The following NDUFA10 variants were observed in gnomAD, a reference collection of about 807,000 sequenced individuals.
NDUFA10 encodes the protein NADH dehydrogenase [ubiquinone] 1 alpha subcomplex subunit 10, mitochondrial.
Under a neutral mutation model 47.8 loss-of-function variants are expected in NDUFA10, and 40 were observed. That is an observed-to-expected ratio of 0.84 (90% confidence interval 0.65 to 1.09). The LOEUF (loss-of-function observed/expected upper bound fraction) is 1.09. Ranked by LOEUF, NDUFA10 falls within the 50% of genes least tolerant of loss-of-function variation. The pLI, the probability that NDUFA10 is intolerant of heterozygous loss-of-function variation, is 0.00. For missense variants in NDUFA10, 413 were observed against 451.1 expected, an observed-to-expected ratio of 0.92 and a Z score of 0.76; for synonymous variants, 183 against 172.2, an observed-to-expected ratio of 1.06 and a Z score of -0.49.
At chr2:239,923,613 G>A (rs769177483) in intron 4 of NDUFA10, among the ~76,000 whole-genome samples, 42 of 151,858 alleles carry the variant, frequency 2.8e-4, no homozygotes, top group African/African-American at 9.2e-4. Context: ...TGTGGGGTGC[G>A]TATTAAATGC....
chr2:239,923,300 C>G (rs902383092), intron 4 of NDUFA10, among the ~76,000 whole-genome samples: 3 of 152,138 alleles, frequency 2.0e-5, no homozygotes, highest in Non-Finnish European at 4.4e-5. Flanking sequence ...CACTATCAAA[C>G]AAAAGTATCT....
rs1281150257 is a variant in NDUFA10 at position 239,959,679 on chromosome 2, G to A, written c.*1439C>T. ...ACAAGGACAGACGGAAGGAAGGAAG[G>A]AAGAGAAGGAGGGAAGGAAAGAGGC... On this transcript the variant is annotated 3_prime_UTR_variant, in exon 10 of 10. Transcript: ENST00000252711. 1 of 917,298 alleles carries A rather than the reference G, an allele frequency of 1.1e-6. No individual in the cohort carries two copies. Among genetic ancestry groups the A allele is most frequent in the East Asian group, 1.2e-4 (1 of 8,510 alleles). The allele number at this position is 917,298 out of a possible 1,614,324, so 56.8% of individuals were successfully genotyped here.
At chr2:239,955,880 A>T (rs1694642525), downstream of NDUFA10, among the ~76,000 whole-genome samples, 2 of 152,078 alleles carry the variant, frequency 1.3e-5, no homozygotes, top group Non-Finnish European at 2.9e-5. Context: ...AACCTGAGAG[A>T]CCAAAGTGGG....
chr2:240,010,509 C>G (rs1002863364), intron 6 of NDUFA10, among the ~76,000 whole-genome samples: 1 of 152,136 alleles, frequency 6.6e-6, no homozygotes, highest in Non-Finnish European at 1.5e-5. Context: ...CTAGGGTCAA[C>G]TATCTCTGTT....
At chr2:239,921,882 C>T (rs1215399221) in intron 4 of NDUFA10, among the ~76,000 whole-genome samples, 1 of 151,800 alleles carries the variant, frequency 6.6e-6, no homozygotes, top group Non-Finnish European at 1.5e-5. Flanking sequence ...TCTTCCCTCC[C>T]TCCTTCCCTC....
chr2:240,012,971 T>C (rs1444847768), intron 5 of NDUFA10: 1 of 152,206 alleles, frequency 6.6e-6, no homozygotes, highest in Non-Finnish European at 1.5e-5. Context: ...AAAGAGGTGA[T>C]ATGATTCTAA....
At chr2:239,915,315 T>C (rs1294175866) in intron 4 of NDUFA10, among the ~76,000 whole-genome samples, 3 of 105,764 alleles carry the variant, frequency 2.8e-5, no homozygotes, top group African/African-American at 5.1e-5. Context: ...GAGATAAACA[T>C]ACACACACAC....
chr2:239,904,974 T>C (rs1330063439), intron 4 of NDUFA10, among the ~76,000 whole-genome samples: 1 of 152,214 alleles, frequency 6.6e-6, no homozygotes, highest in Non-Finnish European at 1.5e-5. Context: ...GCCTCTTATA[T>C]AGACACCTGT....
intron 9 of NDUFA10, among the ~76,000 whole-genome samples, chr2:239,964,553 G>A (rs1384472629): frequency 1.3e-5 from 2 of 152,146 alleles, no homozygotes; most frequent in African/African-American, 4.8e-5. Flanking sequence ...GGGAGATACC[G>A]GGTCACATCT....
At chr2:239,931,545 A>G (rs1374684019) in intron 4 of NDUFA10, among the ~76,000 whole-genome samples, 2 of 152,098 alleles carry the variant, frequency 1.3e-5, no homozygotes, top group Admixed American at 6.6e-5. Context: ...TCCTCGCCAC[A>G]GCGTCTTTCC....
At chr2:240,015,164 C>CT (rs1697299177) in intron 4 of NDUFA10, among the ~76,000 whole-genome samples, 1 of 152,244 alleles carries the variant, frequency 6.6e-6, no homozygotes, top group African/African-American at 2.4e-5. Flanking sequence ...AAGCTACTTA[C>CT]ACAGAGTAAA....
intron 4 of NDUFA10, among the ~76,000 whole-genome samples, chr2:239,921,382 G>A (rs533380444): frequency 2.9e-5 from 4 of 139,810 alleles, no homozygotes; most frequent in South Asian, 2.2e-4. Flanking sequence ...AGGAACCCAA[G>A]CAGGTTGCAG....
intron 4 of NDUFA10, among the ~76,000 whole-genome samples, chr2:239,944,312 G>C (rs564400556): frequency 6.6e-6 from 1 of 152,368 alleles, no homozygotes; most frequent in Non-Finnish European, 1.5e-5. Context: ...GCGGCTGTTT[G>C]GGTCTGGCGT....
intron 1 of NDUFA10, 50 bp from the exon 2 acceptor site, chr2:240,022,390 T>C (rs376133679): frequency 4.3e-6 from 7 of 1,612,526 alleles, no homozygotes; most frequent in Non-Finnish European, 5.9e-6. Context: ...CTCTGGTTCC[T>C]GTAGGCATTA....
chr2:239,967,304 T>C (rs1406478010), intron 9 of NDUFA10, among the ~76,000 whole-genome samples: 1 of 152,174 alleles, frequency 6.6e-6, no homozygotes, highest in Non-Finnish European at 1.5e-5. Context: ...GCCTCATGCA[T>C]GGGTCGGCAA....
At chr2:239,966,191 G>A (rs1280708330) in intron 9 of NDUFA10, among the ~76,000 whole-genome samples, 1 of 152,170 alleles carries the variant, frequency 6.6e-6, no homozygotes, top group Non-Finnish European at 1.5e-5. Flanking sequence ...TGCACTGGGA[G>A]GCACCCTGCC....
At chr2:239,899,148 G>C (rs1362490423) in intron 4 of NDUFA10, among the ~76,000 whole-genome samples, 4 of 11,140 alleles carry the variant, frequency 3.6e-4, no homozygotes, top group East Asian at 1.8e-3. Context: ...GGAGGGGTGT[G>C]ATGGAGGGGA....
intron 1 of NDUFA10, among the ~76,000 whole-genome samples, chr2:240,022,777 C>A (rs11679609): frequency 0.39 from 58,696 of 151,852 alleles, 12,472 homozygotes; most frequent in African/African-American, 0.58. Context: ...GTCCTGACCT[C>A]GTTACCCCAC....
chr2:240,014,367 C>A, intron 5 of NDUFA10: 1 of 332,674 alleles, frequency 3.0e-6, no homozygotes, highest in South Asian at 2.6e-5. Flanking sequence ...AAATTGCTTC[C>A]AATGTGGAAG....
Sources: allele counts gnomAD v4.1 joint callset (sites outside exome capture counted in the v4.1 genomes callset), GRCh38; gene constraint gnomAD v4.1.1; transcripts MANE v1.5; gene names NCBI Gene and HGNC (gene_info 2026-07-23, HGNC 2026-07-21).